GABRG3: variants seen among roughly 807,000 people sequenced by gnomAD.
GABRG3 encodes the protein gamma-aminobutyric acid type A receptor subunit gamma3, also known as gamma-aminobutyric acid receptor subunit gamma-3.
GABRG3 carries 25 observed loss-of-function variants against 48.8 expected under a neutral mutation model. That is an observed-to-expected ratio of 0.51 (90% confidence interval 0.37 to 0.72). GABRG3 has a LOEUF of 0.72. GABRG3 is among the 30% of genes least tolerant of loss of function. The probability of loss-of-function intolerance (pLI) is 0.00; values close to 1 mark genes in which losing one functional copy is unlikely to be tolerated. For synonymous variants in GABRG3, 227 were observed against 217.6 expected, an observed-to-expected ratio of 1.04 and a Z score of -0.38; for missense variants, 394 against 577.9, an observed-to-expected ratio of 0.68 and a Z score of 3.26.
In GABRG3 at chr15:27,255,336, C is replaced by T. The variant is rs139591149; in HGVS notation, c.271-71473C>T. On this transcript the variant is annotated intron_variant, in intron 3 of 9. Transcript: ENST00000615808. ...ACACCAAGGGTGGTACAGTCAGTGC[C>T]GTGGGATGATTCTCTAACAGACTTT... Among the ~76,000 whole-genome samples the T allele has an allele frequency of 4.4e-4, 67 of 152,276 alleles. No individual in the cohort carries two copies. The East Asian group carries it at 0.01, about 24-fold the overall frequency.
At chr15:27,309,373 GGGTAA>G (rs1477656947) in intron 3 of GABRG3, among the ~76,000 whole-genome samples, 1 of 151,724 alleles carries the variant, frequency 6.6e-6, no homozygotes, top group Non-Finnish European at 1.5e-5. Flanking sequence ...TTGTAGATAT[GGGTAA>G]GGTATTTCAC....
At chr15:27,293,097 G>C (rs112936631) in intron 3 of GABRG3, among the ~76,000 whole-genome samples, 1 of 152,186 alleles carries the variant, frequency 6.6e-6, no homozygotes, top group African/African-American at 2.4e-5. Context: ...TTTAAAGGCT[G>C]AGGGATTACT....
intron 3 of GABRG3, among the ~76,000 whole-genome samples, chr15:27,140,465 T>A (rs1229651445): frequency 6.6e-6 from 1 of 152,214 alleles, no homozygotes; most frequent in Non-Finnish European, 1.5e-5. Flanking sequence ...TGAGTGTTTT[T>A]AATCTCAGTA....
rs147531319 is a variant in GABRG3, at chr15:27,250,190, C to T, written c.271-76619C>T. Among the ~76,000 whole-genome samples, 811 of 152,262 alleles carry T rather than the reference C, an allele frequency of 5.3e-3. 7 individuals carry two copies. The highest frequency in any genetic ancestry group is 0.018 in the African/African-American group (758 of 41,558). On this transcript the variant is annotated intron_variant, in intron 3 of 9. Coordinates refer to ENST00000615808, the MANE Select transcript of GABRG3 (RefSeq NM_033223.5). ...TGTGCACCTGCCACACTCCCCTCAC[C>T]GAAACCCCTAGAGGAGCACCATCAG...
At chr15:27,015,478 G>A (rs955855858) in intron 2 of GABRG3, among the ~76,000 whole-genome samples, 3 of 149,556 alleles carry the variant, frequency 2.0e-5, no homozygotes, top group African/African-American at 4.9e-5. Context: ...TCCGCCTCCC[G>A]GGTTCACGCC....
intron 3 of GABRG3, among the ~76,000 whole-genome samples, chr15:27,178,029 T>C (rs1887800772): frequency 6.6e-6 from 1 of 151,746 alleles, no homozygotes; most frequent in African/African-American, 2.4e-5. Flanking sequence ...GGATGGTGGG[T>C]GGGAAGCTCA....
At chr15:27,498,234 C>T (rs1474628784) in intron 6 of GABRG3, among the ~76,000 whole-genome samples, 1 of 152,074 alleles carries the variant, frequency 6.6e-6, no homozygotes, top group Non-Finnish European at 1.5e-5. Context: ...TTCCTTTCTT[C>T]CCTCAGACTG....
At chr15:27,473,578 C>T (rs34549583) in intron 5 of GABRG3, among the ~76,000 whole-genome samples, 59,951 of 152,012 alleles carry the variant, frequency 0.39, 15,633 homozygotes, top group African/African-American at 0.73. Flanking sequence ...GGCTGATCAG[C>T]TTTTAGTTTT....
At chr15:27,285,791 C>T (rs1891589830) in intron 3 of GABRG3, among the ~76,000 whole-genome samples, 1 of 152,128 alleles carries the variant, frequency 6.6e-6, no homozygotes, top group African/African-American at 2.4e-5. Context: ...TTGTCTCTGA[C>T]ATCCACAAGG....
At chr15:27,372,594 G>C (rs1895450917) in intron 5 of GABRG3, among the ~76,000 whole-genome samples, 1 of 151,988 alleles carries the variant, frequency 6.6e-6, no homozygotes, top group Non-Finnish European at 1.5e-5. Flanking sequence ...GCCTCGTTTT[G>C]CTGCCCAAGC....
At position 27,532,757 on chromosome 15, in the gene GABRG3, G is replaced by A. The variant is rs1891457737; in HGVS notation, c.1280G>A (p.Gly427Glu). 1 of 1,613,864 alleles carries A rather than the reference G, an allele frequency of 6.2e-7. No individual in the cohort carries two copies. The highest frequency in any genetic ancestry group is 1.3e-5 in the African/African-American group (1 of 74,908). Residue 427 changes from glycine (G) to glutamate (E), a missense_variant, in exon 10 of 10, where the codon GGA (glycine) becomes GAA (glutamate). Around this residue, in one of 3 missense-constraint regions of GABRG3, gnomAD observed 126 missense variants for 155.5 expected, o/e 0.81. Transcript: ENST00000615808. ...FFCCYEECKS[G>E]SWRKGRIHID... ...TGCTGCTATGAAGAATGTAAATCAG[G>A]ATCCTGGAGGAAAGGGCGTATTCAC...
chr15:27,494,683 G>A (rs748856588), intron 6 of GABRG3, among the ~76,000 whole-genome samples: 10 of 152,054 alleles, frequency 6.6e-5, no homozygotes, highest in Non-Finnish European at 1.3e-4. Flanking sequence ...AAGATCTGTA[G>A]TTTTCTGTTT....
At chr15:27,523,727 A>G (rs1416083653) in intron 7 of GABRG3, among the ~76,000 whole-genome samples, 1 of 151,954 alleles carries the variant, frequency 6.6e-6, no homozygotes, top group South Asian at 2.1e-4. Context: ...AAAATGAAAA[A>G]CTCACTGGAT....
chr15:27,501,112 C>A (rs1024876090), intron 6 of GABRG3, among the ~76,000 whole-genome samples: 1 of 152,008 alleles, frequency 6.6e-6, no homozygotes, highest in Admixed American at 6.6e-5. Flanking sequence ...CCACCACGCC[C>A]AGCAAATTTT....
chr15:27,484,017 C>T (rs1890160704), intron 6 of GABRG3, among the ~76,000 whole-genome samples: 1 of 152,194 alleles, frequency 6.6e-6, no homozygotes. Flanking sequence ...TCACTGCGAC[C>T]TCCACTTCCT....
chr15:27,384,643 GC>G (rs1566815943), intron 5 of GABRG3, among the ~76,000 whole-genome samples: 1 of 152,090 alleles, frequency 6.6e-6, no homozygotes, highest in African/African-American at 2.4e-5. Context: ...AATATTCTGA[GC>G]CTTAGATCAT....
chr15:27,192,128 C>A lies in GABRG3; in HGVS notation c.271-134681C>A, dbSNP rs536714121. 1.5e-3 allele frequency among the ~76,000 whole-genome samples: 234 copies of A among 152,224 alleles called. 2 individuals are homozygous for A. The highest frequency in any genetic ancestry group is 5.5e-3 in the African/African-American group (230 of 41,544). On this transcript the variant is annotated intron_variant, in intron 3 of 9. Transcript: ENST00000615808. ...CTGATGGGCTTCCCTTTGAGGGTAA[C>A]CCGACCTTTCTCTCTGGCTGCCCTT...
At chr15:27,135,558 G>A (rs1365622749) in intron 3 of GABRG3, among the ~76,000 whole-genome samples, 1 of 152,162 alleles carries the variant, frequency 6.6e-6, no homozygotes, top group East Asian at 1.9e-4. Context: ...GTATGAGCTA[G>A]GGCAAATAAT....
chr15:27,380,827 G>A (rs1396419692), intron 5 of GABRG3, among the ~76,000 whole-genome samples: 38 of 147,752 alleles, frequency 2.6e-4, no homozygotes, highest in South Asian at 2.2e-4. Context: ...GTGCAGTGGC[G>A]TAATCTCGGC....
Sources: allele counts gnomAD v4.1 joint callset (sites outside exome capture counted in the v4.1 genomes callset), GRCh38; gene constraint gnomAD v4.1.1; regional missense constraint gnomAD v4.1.1; transcripts MANE v1.5; gene names NCBI Gene and HGNC (gene_info 2026-07-23, HGNC 2026-07-21).